The following PRORP variants were observed in gnomAD, a reference collection of about 807,000 sequenced individuals.
The protein encoded by PRORP is protein only RNase P catalytic subunit.
A neutral mutation model predicts 59.4 loss-of-function variants in PRORP; 51 were observed. That is an observed-to-expected ratio of 0.86 (90% CI 0.69 to 1.08). The LOEUF (loss-of-function observed/expected upper bound fraction) is 1.08. PRORP is among the 50% of genes least tolerant of loss of function. The probability of loss-of-function intolerance (pLI) is 0.00; values close to 1 mark genes in which losing one functional copy is unlikely to be tolerated. For missense variants in PRORP, 646 were observed against 690.3 expected (o/e 0.94, Z 0.72); for synonymous variants, 231 against 245.6 (o/e 0.94, Z 0.55).
chr14:35,145,332 G>T (rs758753164), intron 4 of PRORP, among the ~76,000 whole-genome samples: 3 of 143,910 alleles, frequency 2.1e-5, no homozygotes, highest in Non-Finnish European at 3.1e-5. Flanking sequence ...AAATGGAAGT[G>T]GGTTTTATCC....
chr14:35,249,964 G>C (rs748345787), intron 5 of PRORP, among the ~76,000 whole-genome samples: 3 of 151,988 alleles, frequency 2.0e-5, no homozygotes, highest in Non-Finnish European at 2.9e-5. Flanking sequence ...TCCAAGAAAA[G>C]GGGCCAGGCA....
intron 5 of PRORP, among the ~76,000 whole-genome samples, chr14:35,223,693 T>C (rs1184681554): frequency 6.6e-6 from 1 of 152,082 alleles, no homozygotes; most frequent in Non-Finnish European, 1.5e-5. Context: ...ACTCCTGACC[T>C]CGTGATCCGC....
At chr14:35,262,002 T>A (rs1428797751) in intron 5 of PRORP, among the ~76,000 whole-genome samples, 1 of 152,186 alleles carries the variant, frequency 6.6e-6, no homozygotes, top group Non-Finnish European at 1.5e-5. Context: ...TTTCTGCTCT[T>A]CTTTGGGCCC....
At chr14:35,175,980 C>A (rs1406060803) in intron 4 of PRORP, among the ~76,000 whole-genome samples, 1 of 152,034 alleles carries the variant, frequency 6.6e-6, no homozygotes, top group Non-Finnish European at 1.5e-5. Context: ...TTTCCCAGCA[C>A]CATTTATTAA....
chr14:35,127,602 A>G lies in PRORP; in HGVS notation c.1158A>G (p.Thr386=), dbSNP rs774104559. 3.1e-6 allele frequency: 5 copies of G among 1,614,048 alleles called. No individual in the cohort carries two copies. The South Asian group carries it at 4.4e-5, about 14-fold the overall frequency. The part of the protein sequence containing the change: ...VIDGGDQYRK[T]TPQELKRFEN... ...ATGGAGGTGACCAGTACAGAAAGAC[A>G]ACACCTCAGGTGAGTCTAACAAGTT... The change falls in exon 4 of 8, where the codon ACA becomes ACG. Residue 386 remains threonine, a synonymous_variant. Transcript: ENST00000534898.
At chr14:35,190,653 G>A (rs549578559) in intron 5 of PRORP, among the ~76,000 whole-genome samples, 1 of 151,944 alleles carries the variant, frequency 6.6e-6, no homozygotes, top group African/African-American at 2.4e-5. Context: ...TTACAGGCAC[G>A]TGCCACCACG....
chr14:35,250,529 C>T (rs2050589178), intron 5 of PRORP, among the ~76,000 whole-genome samples: 3 of 152,276 alleles, frequency 2.0e-5, no homozygotes, highest in East Asian at 1.9e-4. Context: ...ATGCATTTTC[C>T]AAGGAGTGCC....
intron 5 of PRORP, among the ~76,000 whole-genome samples, chr14:35,251,846 G>C (rs1343605892): frequency 6.6e-6 from 1 of 151,830 alleles, no homozygotes; most frequent in Non-Finnish European, 1.5e-5. Context: ...GAGCCACCGC[G>C]CCTGGCTGTT....
Position 35,161,185 on chromosome 14 carries a change from T to C in PRORP, c.1168-19485T>C, listed in dbSNP as rs529224417. On this transcript the variant is annotated intron_variant, in intron 4 of 7. Transcript: ENST00000534898. ...ATGTTGACAAACTATTGGTAAAACT[T>C]GTGGTATTATTATTTACCTAAAGCA... Among the ~76,000 whole-genome samples the C allele has an allele frequency of 1.1e-3, 164 of 152,320 alleles. 1 individual carries two copies. Among genetic ancestry groups the C allele is most frequent in the Non-Finnish European group, 2.0e-3 (137 of 68,012 alleles).
intron 4 of PRORP, among the ~76,000 whole-genome samples, chr14:35,174,147 A>G (rs112313038): frequency 7.1e-6 from 1 of 140,628 alleles, no homozygotes; most frequent in Non-Finnish European, 1.5e-5. Flanking sequence ...TATTCAAAGC[A>G]TAGGGTATTA....
intron 4 of PRORP, among the ~76,000 whole-genome samples, chr14:35,156,979 G>A (rs1242626421): frequency 4.7e-5 from 6 of 127,256 alleles, no homozygotes; most frequent in South Asian, 2.4e-4. Flanking sequence ...TTTTTGAGAC[G>A]GAATCTTGCT....
intron 4 of PRORP, among the ~76,000 whole-genome samples, chr14:35,156,940 T>G (rs1161401185): frequency 7.1e-6 from 1 of 141,042 alleles, no homozygotes; most frequent in East Asian, 2.2e-4. Flanking sequence ...TGGTAGTTCA[T>G]TTTTTTCTTT....
intron 5 of PRORP, among the ~76,000 whole-genome samples, chr14:35,253,359 A>AAGAAAGAAAGAAAGAAAAGAAAGAAAG (rs1566528595): frequency 7.0e-6 from 1 of 142,016 alleles, no homozygotes; most frequent in Non-Finnish European, 1.5e-5. Flanking sequence ...GAGAGAGAGA[A>AAGAAAGAAAGAAAGAAAAGAAAGAAAG]AGAAAGAAAG....
At chr14:35,148,299 G>C (rs1379204955) in intron 4 of PRORP, among the ~76,000 whole-genome samples, 2 of 152,160 alleles carry the variant, frequency 1.3e-5, no homozygotes, top group African/African-American at 4.8e-5. Context: ...TTATCCATGG[G>C]CTTTAGAATG....
chr14:35,253,141 C>G (rs2050653154), intron 5 of PRORP, among the ~76,000 whole-genome samples: 1 of 152,082 alleles, frequency 6.6e-6, no homozygotes, highest in Non-Finnish European at 1.5e-5. Context: ...CCAGACCAGC[C>G]TGGGCAGCAT....
At position 35,215,782 on chromosome 14, in the gene PRORP, G is replaced by T. The variant is rs535547630; in HGVS notation, c.1275+35005G>T. 4.0e-5 allele frequency among the ~76,000 whole-genome samples: 6 copies of T among 149,020 alleles called. No individual in the cohort carries two copies. In the South Asian group the frequency reaches 1.3e-3, roughly 32 times the overall value. ...CTCTATCTCTCTTTTTTTTTTTCTT[G>T]GGGGGACAGGGTCTCACCCTGTCGC... On this transcript the variant is annotated intron_variant, in intron 5 of 7. Transcript: ENST00000534898.
chr14:35,132,310 T>C (rs1277453571), intron 4 of PRORP, among the ~76,000 whole-genome samples: 2 of 143,442 alleles, frequency 1.4e-5, no homozygotes, highest in Non-Finnish European at 3.0e-5. Flanking sequence ...ATATAAAAAT[T>C]AGCCAGGCGT....
In PRORP at chr14:35,176,390, A is replaced by G. The variant is rs555006652; in HGVS notation, c.1168-4280A>G. ...ATCCATGAGCATGGAATGTTCTTCC[A>G]TTTGTTTGTGTCCTTTTTTATTTCG... On this transcript the variant is annotated intron_variant, in intron 4 of 7. Transcript: ENST00000534898. Among the ~76,000 whole-genome samples the G allele has an allele frequency of 1.4e-4, 21 of 152,224 alleles. No homozygotes were observed. In the East Asian group the frequency reaches 1.5e-3, roughly 11 times the overall value.
At chr14:35,218,494 AAAAC>A (rs2049674958) in intron 5 of PRORP, among the ~76,000 whole-genome samples, 4 of 144,778 alleles carry the variant, frequency 2.8e-5, no homozygotes, top group African/African-American at 5.0e-5. Context: ...AACCAACAAC[AAAAC>A]ACAACAGAAC....
Sources: gnomAD v4.1 joint callset for allele counts (sites outside exome capture counted in the v4.1 genomes callset) on GRCh38, gnomAD v4.1.1 for gene constraint, MANE v1.5 for transcripts, NCBI Gene and HGNC (gene_info 2026-07-23, HGNC 2026-07-21) for gene names.